ARHGAP11A: variants seen among roughly 807,000 people sequenced by gnomAD.
ARHGAP11A encodes the protein rho GTPase-activating protein 11A.
Under a neutral mutation model 60.5 loss-of-function variants are expected in ARHGAP11A, and 36 were observed. The observed-to-expected ratio is 0.59, with a 90% CI of 0.46 to 0.79. The LOEUF (loss-of-function observed/expected upper bound fraction) is 0.79, where lower values mean the gene tolerates loss of function less well. Among genes scored for constraint, ARHGAP11A ranks in the 30% least tolerant of loss-of-function variants. The probability of loss-of-function intolerance (pLI) is 0.00; values close to 1 mark genes in which losing one functional copy is unlikely to be tolerated. For synonymous variants in ARHGAP11A, 362 were observed against 415.5 expected, an observed-to-expected ratio of 0.87 and a Z score of 1.57; for missense variants, 1,071 against 1,199.2, an observed-to-expected ratio of 0.89 and a Z score of 1.58.
chr15:32,631,660 G>A (rs1443698158), intron 8 of ARHGAP11A, among the ~76,000 whole-genome samples: 1 of 152,196 alleles, frequency 6.6e-6, no homozygotes, highest in African/African-American at 2.4e-5. Flanking sequence ...TGTGCCTCCT[G>A]CGACCATTGA....
Position 32,636,277 on chromosome 15 carries a change from T to G in ARHGAP11A, c.1504T>G (p.Ser502Ala). ...PKKGSEKISKSEETLLTPERL... is the reference protein window; with the variant it reads ...PKKGSEKISKAEETLLTPERL... ...TTTAGGTTCAGAAAAGATCAGTAAG[T>G]CTGAGGAAACCTTACTAACTCCAGA... The change falls in exon 12 of 12, where the codon TCT (serine) becomes GCT (alanine). Residue 502 changes from serine (S) to alanine (A), a missense_variant. Ser to Ala is a moderately conservative substitution (Grantham distance 99). Transcript: ENST00000361627. The G allele has an allele frequency of 6.2e-7, 1 of 1,605,658 alleles. No individual in the cohort carries two copies. Among genetic ancestry groups the G allele is most frequent in the Non-Finnish European group, 8.5e-7 (1 of 1,177,052 alleles).
intron 4 of ARHGAP11A, among the ~76,000 whole-genome samples, chr15:32,624,761 C>T (rs989550572): frequency 6.6e-6 from 1 of 151,520 alleles, no homozygotes; most frequent in African/African-American, 2.4e-5. Flanking sequence ...CCTGCTTATT[C>T]TAGACATACT....
chr15:32,615,148 A>T (rs1370010307), upstream of ARHGAP11A: 1 of 151,994 alleles, frequency 6.6e-6, no homozygotes, highest in African/African-American at 2.4e-5. Flanking sequence ...TTCCGTAAGA[A>T]CGGTTTCTTC....
intron 8 of ARHGAP11A, among the ~76,000 whole-genome samples, chr15:32,630,807 G>T (rs2053567724): frequency 6.6e-6 from 1 of 151,806 alleles, no homozygotes; most frequent in Non-Finnish European, 1.5e-5. Context: ...GCTTATGTCT[G>T]TAGCTTTTGC....
intron 5 of ARHGAP11A, 31 bp downstream of exon 5, chr15:32,625,274 T>C: frequency 6.4e-7 from 1 of 1,569,202 alleles, no homozygotes; most frequent in Non-Finnish European, 8.7e-7. Flanking sequence ...TAACAGAATT[T>C]GTTTAAATGA....
intron 10 of ARHGAP11A, among the ~76,000 whole-genome samples, chr15:32,634,649 C>A (rs2053663667): frequency 6.6e-6 from 1 of 152,174 alleles, no homozygotes; most frequent in African/African-American, 2.4e-5. Context: ...TCAAATGTAA[C>A]CTGTCCCAAG....
At chr15:32,621,926 G>A (rs1344816289) in intron 2 of ARHGAP11A, among the ~76,000 whole-genome samples, 1 of 152,308 alleles carries the variant, frequency 6.6e-6, no homozygotes, top group Non-Finnish European at 1.5e-5. Context: ...GGTTCATTTG[G>A]GCTACTATAG....
At chr15:32,635,193 G>A (rs991808765) in intron 10 of ARHGAP11A, among the ~76,000 whole-genome samples, 1 of 152,096 alleles carries the variant, frequency 6.6e-6, no homozygotes, top group East Asian at 1.9e-4. Context: ...GACTGCACTG[G>A]CATTCTGCTC....
chr15:32,616,899 A>G (rs1393890654), intron 1 of ARHGAP11A, among the ~76,000 whole-genome samples: 3 of 152,224 alleles, frequency 2.0e-5, no homozygotes, highest in African/African-American at 7.2e-5. Flanking sequence ...TGATGACTGC[A>G]TATTCACTAA....
intron 6 of ARHGAP11A, among the ~76,000 whole-genome samples, chr15:32,627,683 C>G (rs968014605): frequency 1.3e-5 from 2 of 152,006 alleles, no homozygotes; most frequent in African/African-American, 2.4e-5. Flanking sequence ...TGGCTGAGAT[C>G]GGGCCACTGC....
At chr15:32,634,231 C>T (rs1349199282) in intron 10 of ARHGAP11A, among the ~76,000 whole-genome samples, 190 bp downstream of exon 10, 1 of 152,172 alleles carries the variant, frequency 6.6e-6, no homozygotes, top group African/African-American at 2.4e-5. Context: ...CCTTGGACTT[C>T]TCTTTTTTCT....
intron 1 of ARHGAP11A, among the ~76,000 whole-genome samples, chr15:32,617,471 CTTT>C (rs1168851603): frequency 2.0e-5 from 2 of 102,004 alleles, no homozygotes; most frequent in Non-Finnish European, 3.9e-5. Flanking sequence ...TTTTCTTTTC[CTTT>C]TTTTTTTTTT....
rs374655901 is a variant in ARHGAP11A, at chr15:32,619,939, T to C, written c.130-169T>C. ...CTCAGCATACTGTCTAATATAGTAATTATTTGTTATCAAATGCACTTGAAA... is the reference window on the plus strand; with the variant it reads ...CTCAGCATACTGTCTAATATAGTAACTATTTGTTATCAAATGCACTTGAAA... On this transcript the variant is annotated intron_variant, in intron 1 of 11. Coordinates refer to ENST00000361627, the MANE Select transcript of ARHGAP11A (RefSeq NM_014783.6). Among the ~76,000 whole-genome samples the C allele has an allele frequency of 3.9e-5, 6 of 152,340 alleles. No homozygotes were observed. In the South Asian group the frequency reaches 8.3e-4, roughly 21 times the overall value.
At position 32,622,679 on chromosome 15, in the gene ARHGAP11A, C is replaced by G. The variant is rs537140075; in HGVS notation, c.201-813C>G. Among the ~76,000 whole-genome samples the G allele has an allele frequency of 9.0e-3, 1,372 of 151,674 alleles. 9 individuals are homozygous for G. The highest frequency in any genetic ancestry group is 0.014 in the Middle Eastern group (4 of 294). ...TCAATATCTAGGTATCTAAAGCCAACATTGAGATTTATTTGAACATTGTTC... is the reference window on the plus strand; with the variant it reads ...TCAATATCTAGGTATCTAAAGCCAAGATTGAGATTTATTTGAACATTGTTC... On this transcript the variant is annotated intron_variant, in intron 2 of 11. Coordinates refer to ENST00000361627, the MANE Select transcript of ARHGAP11A (RefSeq NM_014783.6).
rs2053745719 is a variant in ARHGAP11A at position 32,637,389 on chromosome 15, A to G, written c.2616A>G (p.Lys872=). The G allele has an allele frequency of 6.2e-7, 1 of 1,614,192 alleles. No individual in the cohort carries two copies. The highest frequency in any genetic ancestry group is 1.1e-5 in the South Asian group (1 of 91,070). The change falls in exon 12 of 12, where the codon AAA becomes AAG. Residue 872 remains lysine (K), a synonymous_variant. Transcript: ENST00000361627. ...SLGDTASPLV[K]SVSCDGALSS... ...GTGATACAGCTTCTCCTTTGGTCAA[A>G]TCAGTGAGCTGTGACGGTGCTCTTT... is the stretch of plus-strand genomic sequence containing the variant.
chr15:32,635,469 TACCC>T (rs2053682233), intron 10 of ARHGAP11A, among the ~76,000 whole-genome samples: 1 of 152,190 alleles, frequency 6.6e-6, no homozygotes, highest in African/African-American at 2.4e-5. Context: ...TTGGTCTAGG[TACCC>T]CACTGCCCCA....
Position 32,632,959 on chromosome 15 carries a change from A to C in ARHGAP11A, c.1106-20A>C. 3.7e-6 allele frequency: 6 copies of C among 1,605,506 alleles called. No homozygotes were observed. The highest frequency in any genetic ancestry group is 5.1e-6 in the Non-Finnish European group (6 of 1,175,130). Reference sequence around the variant, plus strand: ...GGAAAATAGATATGTGTGGTATATTACATGTGGTTATTTTTGTAGTTCACA... The same window carrying C: ...GGAAAATAGATATGTGTGGTATATTCCATGTGGTTATTTTTGTAGTTCACA... On this transcript the variant is annotated intron_variant, in intron 8 of 11. Transcript: ENST00000361627.
intron 1 of ARHGAP11A, 108 bp downstream of exon 1, chr15:32,616,448 G>C: frequency 6.5e-7 from 1 of 1,527,906 alleles, no homozygotes; most frequent in African/African-American, 1.4e-5. Flanking sequence ...AAAAAGAATG[G>C]TTAGGTGTGT....
In ARHGAP11A at chr15:32,633,026, C is replaced by G. The variant is rs1202803930; in HGVS notation, c.1153C>G (p.Pro385Ala). Residue 385 changes from proline to alanine, a missense_variant, in exon 9 of 12, where the codon CCT (proline) becomes GCT (alanine). Pro to Ala is a conservative substitution (Grantham distance 27). Around this residue, in one of 4 missense-constraint regions of ARHGAP11A, gnomAD observed 776 missense variants for 760.2 expected, o/e 1.02. Coordinates refer to ENST00000361627, the MANE Select transcript of ARHGAP11A (RefSeq NM_014783.6). ...SEGSSQSSLS[P>A]VLIGGNHLIT... is the part of the protein sequence containing the mutation. ...AGGGTCATCTCAGAGTTCACTCTCT[C>G]CTGTACTCATTGGTGGAAACCATTT... 6 of 1,613,924 alleles carry G rather than the reference C, an allele frequency of 3.7e-6. No individual in the cohort carries two copies. The East Asian group carries it at 1.3e-4, about 36-fold the overall frequency.
Sources: allele counts gnomAD v4.1 joint callset (sites outside exome capture counted in the v4.1 genomes callset), GRCh38; gene constraint gnomAD v4.1.1; regional missense constraint gnomAD v4.1.1; transcripts MANE v1.5; gene names NCBI Gene and HGNC (gene_info 2026-07-23, HGNC 2026-07-21).